SAP130: variants seen among roughly 807,000 people sequenced by gnomAD.
SAP130 encodes the protein Sin3A associated protein 130.
A neutral mutation model predicts 103.2 loss-of-function variants in SAP130; 16 were observed. The observed-to-expected ratio is 0.16, with a 90% CI of 0.10 to 0.24. SAP130 has a LOEUF of 0.24. SAP130 is among the 10% of genes least tolerant of loss of function. SAP130 has a pLI of 1.00. For missense variants in SAP130, 990 were observed against 1,359.7 expected (o/e 0.73, Z 4.28); for synonymous variants, 477 against 497.0 (o/e 0.96, Z 0.53).
In SAP130 at chr2:128,016,477, G is replaced by A. The variant is rs142387541; in HGVS notation, c.419C>T (p.Pro140Leu). ...AACGGTAACCTGCCCTGGAACCTTGGGGGGAAGTGACAGGGTAGAAGGTGG... is the reference window on the plus strand; with the variant it reads ...AACGGTAACCTGCCCTGGAACCTTGAGGGGAAGTGACAGGGTAGAAGGTGG... Reference protein sequence around the residue: ...PAPPSTLSLPPKVPGQVTVTM... With the variant: ...PAPPSTLSLPLKVPGQVTVTM... Residue 140 changes from proline (P) to leucine (L), a missense_variant, in exon 4 of 21, where the codon CCC (proline) becomes CTC (leucine). Coordinates refer to ENST00000643581, the MANE Select transcript of SAP130 (RefSeq NM_001330301.2). 4 of 1,613,910 alleles carry A rather than the reference G, an allele frequency of 2.5e-6. No homozygotes were observed. Among genetic ancestry groups the A allele is most frequent in the Non-Finnish European group, 3.4e-6 (4 of 1,180,006 alleles).
Position 128,027,934 on chromosome 2 carries a change from C to T in SAP130, c.-7+6G>A. ...CTTCCCTCCCGGGCGCCCGTCCCGC[C>T]ATTACCTGGGTGCTGCGCCCAGTGG... On this transcript the variant is annotated splice_donor_region_variant and intron_variant, in intron 1 of 20. Transcript: ENST00000643581. 1 of 985,604 alleles carries T rather than the reference C, an allele frequency of 1.0e-6. No individual in the cohort carries two copies. 61.1% of individuals were successfully genotyped at this position (985,604 alleles called of 1,614,324 possible).
Position 128,026,280 on chromosome 2 carries a change from G to T in SAP130, c.13C>A (p.Gln5Lys), listed in dbSNP as rs1171125061. 1 of 1,613,516 alleles carries T rather than the reference G, an allele frequency of 6.2e-7. No homozygotes were observed. The highest frequency in any genetic ancestry group is 8.5e-7 in the Non-Finnish European group (1 of 1,179,568). MSSQ[Q>K]FPRLGAPSTG... ...GAAGGGGCTCCTAACCGAGGAAACT[G>T]TTGAGAACTCATTTCCACCTGTAGT... Residue 5 changes from glutamine to lysine, a missense_variant, in exon 2 of 21, where the codon CAG becomes AAG. Transcript: ENST00000643581.
At position 128,020,597 on chromosome 2, in the gene SAP130, T is replaced by G. The variant is rs147464570; in HGVS notation, c.113-2682A>C. Among the ~76,000 whole-genome samples the G allele has an allele frequency of 1.8e-3, 279 of 152,340 alleles. 3 individuals are homozygous for G. Among genetic ancestry groups the G allele is most frequent in the East Asian group, 0.016 (81 of 5,192 alleles). ...TTCAGTTTGTTCCTATTTTGAATAG[T>G]GCTAGTAATGTTCTTGTACGTGTCT... On this transcript the variant is annotated intron_variant, in intron 2 of 20. Coordinates refer to ENST00000643581, the MANE Select transcript of SAP130 (RefSeq NM_001330301.2).
At chr2:128,007,268 T>C (rs1684045914) in intron 7 of SAP130, among the ~76,000 whole-genome samples, 1 of 152,214 alleles carries the variant, frequency 6.6e-6, no homozygotes, top group Non-Finnish European at 1.5e-5. Flanking sequence ...CACCAAGTAC[T>C]ATACGGAATC....
At chr2:127,973,272 G>A (rs1216587399) in intron 15 of SAP130, among the ~76,000 whole-genome samples, 1 of 152,148 alleles carries the variant, frequency 6.6e-6, no homozygotes, top group Non-Finnish European at 1.5e-5. Context: ...CGCTCTTGTT[G>A]CCCAGGCTGG....
chr2:128,010,522 C>A, intron 6 of SAP130, 129 bp from the exon 7 acceptor site: 1 of 943,122 alleles, frequency 1.1e-6, no homozygotes, highest in Non-Finnish European at 1.5e-6. Flanking sequence ...TAAATTCTCA[C>A]CATTCCAATT....
chr2:127,954,637 G>T (rs986879236), intron 16 of SAP130, among the ~76,000 whole-genome samples: 1 of 152,064 alleles, frequency 6.6e-6, no homozygotes, highest in Non-Finnish European at 1.5e-5. Context: ...TAGTACTAAA[G>T]CCATATTGTG....
intron 19 of SAP130, among the ~76,000 whole-genome samples, chr2:127,944,674 C>T (rs1368012635): frequency 1.3e-5 from 2 of 152,122 alleles, no homozygotes; most frequent in Admixed American, 6.5e-5. Flanking sequence ...GATCTGTCCA[C>T]CTCGGCCTCC....
intron 15 of SAP130, among the ~76,000 whole-genome samples, chr2:127,971,522 C>T (rs1463769102): frequency 1.3e-5 from 2 of 152,158 alleles, no homozygotes; most frequent in Non-Finnish European, 2.9e-5. Context: ...CTCCTGACCT[C>T]GTGATCTACC....
intron 15 of SAP130, among the ~76,000 whole-genome samples, chr2:127,968,109 ATTT>A (rs199946748): frequency 1.4e-5 from 2 of 139,224 alleles, no homozygotes; most frequent in Admixed American, 7.2e-5. Context: ...ATAGTAAAGC[ATTT>A]TTTTTTTTTT....
At position 127,941,886 on chromosome 2, in the gene SAP130, C is replaced by A. The variant is rs1388679323; in HGVS notation, c.*120G>T. On this transcript the variant is annotated 3_prime_UTR_variant, in exon 21 of 21. Transcript: ENST00000643581. ...TGTCATGGGTTCCTCTGCTTTCACA[C>A]GGGAACTAAGGAACACTTCCTTTAT... 6 of 914,334 alleles carry A rather than the reference C, an allele frequency of 6.6e-6. No homozygotes were observed. Among genetic ancestry groups the A allele is most frequent in the Non-Finnish European group, 1.0e-5 (6 of 589,652 alleles). The allele number at this position is 914,334 out of a possible 1,614,324, so 56.6% of individuals were successfully genotyped here.
At position 127,963,100 on chromosome 2, in the gene SAP130, G is replaced by A. The variant is rs546015559; in HGVS notation, c.2064-7756C>T. ...CTGGCAGTTATTTATATACTATGAA[G>A]ATTAGCCGTTAGACTGTGATATGAG... is the stretch of plus-strand genomic sequence containing the variant. On this transcript the variant is annotated intron_variant, in intron 15 of 20. Coordinates refer to ENST00000643581, the MANE Select transcript of SAP130 (RefSeq NM_001330301.2). 2.0e-5 allele frequency among the ~76,000 whole-genome samples: 3 copies of A among 152,124 alleles called. No individual in the cohort carries two copies. The East Asian group carries it at 5.8e-4, about 29-fold the overall frequency.
intron 18 of SAP130, among the ~76,000 whole-genome samples, 187 bp downstream of exon 18, chr2:127,949,682 G>A (rs1679360922): frequency 6.6e-6 from 1 of 152,150 alleles, no homozygotes; most frequent in Non-Finnish European, 1.5e-5. Flanking sequence ...GCTTGCTAGG[G>A]CAAAGGGTAA....
chr2:127,947,293 A>G (rs1198950104), intron 18 of SAP130, among the ~76,000 whole-genome samples: 1 of 152,194 alleles, frequency 6.6e-6, no homozygotes, highest in Non-Finnish European at 1.5e-5. Context: ...AGTTCACAGT[A>G]CTTTGTTATG....
At chr2:127,981,745 C>T (rs1320363934) in intron 14 of SAP130, among the ~76,000 whole-genome samples, 2 of 114,318 alleles carry the variant, frequency 1.7e-5, no homozygotes, top group East Asian at 2.9e-4. Context: ...CTCACCCCGA[C>T]GCAGTCCTCC....
intron 18 of SAP130, among the ~76,000 whole-genome samples, chr2:127,947,740 GAATTAA>G (rs1559028482): frequency 6.8e-6 from 1 of 146,512 alleles, no homozygotes; most frequent in East Asian, 2.1e-4. Context: ...CATATTGTGT[GAATTAA>G]TTTTGTATTG....
chr2:127,965,558 A>G (rs572966430), intron 15 of SAP130, among the ~76,000 whole-genome samples: 1 of 151,876 alleles, frequency 6.6e-6, no homozygotes, highest in Non-Finnish European at 1.5e-5. Context: ...GGGAGGCTGA[A>G]GCGAGTGGAT....
In SAP130 at chr2:127,955,164, A is replaced by G; in HGVS notation, c.2244T>C (p.Val748=). ...AAASPPSQPA[V]ALSTIPGAVP... ...CCGCTCCAGGAATGGTTGAAAGGGC[A>G]ACGGCTGGTTGTGACGGGGGACTGG... Residue 748 remains valine, a synonymous_variant, in exon 16 of 21, where the codon GTT becomes GTC. Transcript: ENST00000643581. This position sits in a 1 kb window ranked among gnomAD's most constrained non-coding sequence, Gnocchi z 4.9. 1 of 1,614,154 alleles carries G rather than the reference A, an allele frequency of 6.2e-7. No individual in the cohort carries two copies. Among genetic ancestry groups the G allele is most frequent in the Non-Finnish European group, 8.5e-7 (1 of 1,180,040 alleles).
chr2:127,965,541 G>C (rs553050491), intron 15 of SAP130, among the ~76,000 whole-genome samples: 1 of 152,316 alleles, frequency 6.6e-6, no homozygotes, highest in African/African-American at 2.4e-5. Flanking sequence ...TGTAATCCCA[G>C]CACTTTGGGA....
Sources: allele counts gnomAD v4.1 joint callset (sites outside exome capture counted in the v4.1 genomes callset), GRCh38; gene constraint gnomAD v4.1.1; non-coding constraint Gnocchi (gnomAD v3.1); transcripts MANE v1.5; gene names NCBI Gene and HGNC (gene_info 2026-07-23, HGNC 2026-07-21).